ZNF804B: variants seen among roughly 807,000 people sequenced by gnomAD.
The protein encoded by ZNF804B is zinc finger 804B.
A neutral mutation model predicts 101.4 loss-of-function variants in ZNF804B; 80 were observed. The observed-to-expected ratio is 0.79, with a 90% confidence interval of 0.66 to 0.95. ZNF804B has a LOEUF of 0.95. Ranked by LOEUF, ZNF804B falls within the 40% of genes least tolerant of loss-of-function variation. ZNF804B has a pLI of 0.00. For missense variants in ZNF804B, 1,673 were observed against 1,561.9 expected (o/e 1.07, Z -1.20); for synonymous variants, 622 against 558.8 (o/e 1.11, Z -1.59).
intron 1 of ZNF804B, among the ~76,000 whole-genome samples, chr7:89,044,072 C>G (rs1789062587): frequency 6.6e-6 from 1 of 152,162 alleles, no homozygotes; most frequent in African/African-American, 2.4e-5. Context: ...GAAAGACAGA[C>G]ACTGCATAAT....
chr7:89,026,650 T>C (rs888304685), intron 1 of ZNF804B, among the ~76,000 whole-genome samples: 3 of 152,086 alleles, frequency 2.0e-5, no homozygotes, highest in African/African-American at 4.8e-5. Context: ...ACCTAACGAC[T>C]GAAATGATCT....
intron 1 of ZNF804B, among the ~76,000 whole-genome samples, chr7:88,799,844 G>T (rs1790552226): frequency 6.6e-6 from 1 of 151,960 alleles, no homozygotes; most frequent in Non-Finnish European, 1.5e-5. Flanking sequence ...ATTTAGAAAG[G>T]GTAACTCTGG....
intron 1 of ZNF804B, among the ~76,000 whole-genome samples, chr7:88,991,484 G>A (rs1793845943): frequency 6.6e-6 from 1 of 152,176 alleles, no homozygotes; most frequent in Non-Finnish European, 1.5e-5. Context: ...CTTCCCGTGA[G>A]CCTGCTGCTT....
intron 1 of ZNF804B, among the ~76,000 whole-genome samples, chr7:89,139,707 C>A (rs1220976666): frequency 1.3e-5 from 2 of 152,102 alleles, no homozygotes; most frequent in Non-Finnish European, 2.9e-5. Context: ...TCAGTCATCT[C>A]TTCAGGCTCC....
chr7:89,174,208 G>T (rs59348658), intron 1 of ZNF804B, among the ~76,000 whole-genome samples: 30,627 of 151,600 alleles, frequency 0.2, 3,303 homozygotes, highest in Non-Finnish European at 0.23. Flanking sequence ...ATACTTTTCT[G>T]CCCATTAACA....
Position 88,962,643 on chromosome 7 carries a change from C to T in ZNF804B, c.108+202559C>T, listed in dbSNP as rs1022304229. ...TTCATTTATGGATGTGTGCAGTTAA[C>T]GAAGTGACCTTGTGGGATGGATTGT... On this transcript the variant is annotated intron_variant, in intron 1 of 3. Coordinates refer to ENST00000333190, the MANE Select transcript of ZNF804B (RefSeq NM_181646.5). Among the ~76,000 whole-genome samples, 12 of 142,312 alleles carry T rather than the reference C, an allele frequency of 8.4e-5. No homozygotes were observed. The East Asian group carries it at 1.0e-3, about 12-fold the overall frequency. 93.4% of individuals were successfully genotyped at this position (142,312 alleles called of 152,430 possible).
chr7:88,938,492 G>A (rs1282939054), intron 1 of ZNF804B, among the ~76,000 whole-genome samples: 2 of 151,918 alleles, frequency 1.3e-5, no homozygotes, highest in East Asian at 3.9e-4. Flanking sequence ...TTCCTTGTCT[G>A]GTAATGTTAT....
At chr7:89,288,453 CT>C in intron 2 of ZNF804B, among the ~76,000 whole-genome samples, 1 of 152,088 alleles carries the variant, frequency 6.6e-6, no homozygotes, top group Non-Finnish European at 1.5e-5. Flanking sequence ...AAAACTACAA[CT>C]AAGCACAAAA....
intron 1 of ZNF804B, among the ~76,000 whole-genome samples, chr7:89,167,397 C>T (rs1353229862): frequency 6.6e-6 from 1 of 151,578 alleles, no homozygotes; most frequent in African/African-American, 2.4e-5. Flanking sequence ...GAGCCACGAT[C>T]GTGCCATTGC....
chr7:88,841,563 T>C (rs1791292459), intron 1 of ZNF804B, among the ~76,000 whole-genome samples: 1 of 152,158 alleles, frequency 6.6e-6, no homozygotes, highest in African/African-American at 2.4e-5. Flanking sequence ...TCTTTGTAGC[T>C]CTTCCTTTGG....
chr7:88,811,115 T>A (rs1780412056), intron 1 of ZNF804B, among the ~76,000 whole-genome samples: 1 of 151,856 alleles, frequency 6.6e-6, no homozygotes, highest in Admixed American at 6.6e-5. Context: ...CAGAAACAGT[T>A]GAGTTTAAGG....
chr7:89,161,863 C>T (rs1791068906), intron 1 of ZNF804B, among the ~76,000 whole-genome samples: 1 of 151,906 alleles, frequency 6.6e-6, no homozygotes, highest in South Asian at 2.1e-4. Context: ...AATGCAATAT[C>T]ATAGTGATTT....
chr7:88,898,073 C>CTTTTTTTTTTTTTTTTTTTTT (rs869050718), intron 1 of ZNF804B, among the ~76,000 whole-genome samples: 1 of 56,572 alleles, frequency 1.8e-5, no homozygotes, highest in Non-Finnish European at 3.0e-5. Context: ...ACTTCTCCAT[C>CTTTTTTTTTTTTTTTTTTTTT]TTTTTTTTTT....
chr7:88,937,973 G>A (rs1273027095), intron 1 of ZNF804B, among the ~76,000 whole-genome samples: 1 of 152,066 alleles, frequency 6.6e-6, no homozygotes, highest in Non-Finnish European at 1.5e-5. Flanking sequence ...GCCCTCAGGA[G>A]GTCCTGGGAA....
At chr7:88,890,397 A>G (rs1438256190) in intron 1 of ZNF804B, among the ~76,000 whole-genome samples, 1 of 152,184 alleles carries the variant, frequency 6.6e-6, no homozygotes, top group Non-Finnish European at 1.5e-5. Context: ...CATGCCTAGG[A>G]GCATGAGAGC....
chr7:89,183,530 G>C (rs1051850605), intron 1 of ZNF804B, among the ~76,000 whole-genome samples: 1 of 152,132 alleles, frequency 6.6e-6, no homozygotes, highest in African/African-American at 2.4e-5. Context: ...CTTTCTCTCA[G>C]GGAGAAATGC....
chr7:89,150,273 G>C (rs555006162), intron 1 of ZNF804B, among the ~76,000 whole-genome samples: 10 of 151,898 alleles, frequency 6.6e-5, no homozygotes, highest in South Asian at 2.1e-4. Context: ...TATTCACTAG[G>C]AGTCTTGGAA....
Position 89,103,048 on chromosome 7 carries a change from G to GTTTTTTT in ZNF804B, c.109-115078_109-115072dup, listed in dbSNP as rs56693128. ...TTCTATTCCATTGACCTATGTGTCT[G>GTTTTTTT]TTTTTTTTTTTTTTTTTTTTTTTTT... On this transcript the variant is annotated intron_variant, in intron 1 of 3. Coordinates refer to ENST00000333190, the MANE Select transcript of ZNF804B (RefSeq NM_181646.5). 2.4e-3 allele frequency among the ~76,000 whole-genome samples: 80 copies of GTTTTTTT among 33,752 alleles called. 17 individuals are homozygous for GTTTTTTT. Among genetic ancestry groups the GTTTTTTT allele is most frequent in the East Asian group, 6.1e-3 (4 of 660 alleles). The allele number at this position is 33,752 out of a possible 152,430, so 22.1% of individuals were successfully genotyped here.
intron 2 of ZNF804B, among the ~76,000 whole-genome samples, chr7:89,227,704 T>TGA (rs1057022684): frequency 1.1e-4 from 16 of 151,838 alleles, no homozygotes; most frequent in East Asian, 5.8e-4. Flanking sequence ...GCCATCTCTC[T>TGA]GAGAGAGAGA....
Sources: allele counts gnomAD v4.1 joint callset (sites outside exome capture counted in the v4.1 genomes callset), GRCh38; gene constraint gnomAD v4.1.1; transcripts MANE v1.5; gene names NCBI Gene and HGNC (gene_info 2026-07-23, HGNC 2026-07-21).